The following EPHA8 variants were observed in gnomAD, a reference collection of about 807,000 sequenced individuals.
EPHA8 encodes EPH receptor A8.
In EPHA8, 58 loss-of-function variants were observed where a neutral mutation model predicts 103.6. That is an observed-to-expected ratio of 0.56 (90% CI 0.45 to 0.70). The LOEUF is 0.70. Among genes scored for constraint, EPHA8 ranks in the 30% least tolerant of loss-of-function variants. The pLI is 0.00. For missense variants in EPHA8, 1,304 were observed against 1,395.2 expected (o/e 0.93, Z 1.04); for synonymous variants, 559 against 572.5 (o/e 0.98, Z 0.34).
Position 22,597,982 on chromosome 1 carries a change from C to A in EPHA8, c.2116+121C>A. 6.9e-7 allele frequency: 1 copy of A among 1,450,306 alleles called. No individual in the cohort carries two copies. The highest frequency in any genetic ancestry group is 9.5e-7 in the Non-Finnish European group (1 of 1,051,234). The allele number at this position is 1,450,306 out of a possible 1,614,324, so 89.8% of individuals were successfully genotyped here. A position where few individuals can be genotyped will look rare whatever the true frequency, so the allele number is the denominator to read the frequency against. Reference sequence around the variant, plus strand: ...CTGACCCTGTCCTCTTGGTTCAGGTCCCTGAATGACTCGGGGTGCCCAGAG... The same window carrying A: ...CTGACCCTGTCCTCTTGGTTCAGGTACCTGAATGACTCGGGGTGCCCAGAG... On this transcript the variant is annotated intron_variant, in intron 11 of 16. Transcript: ENST00000166244. This position sits in a 1 kb window ranked among gnomAD's most constrained non-coding sequence, Gnocchi z 4.6.
intron 13 of EPHA8, among the ~76,000 whole-genome samples, chr1:22,599,724 G>GA (rs1641640085): frequency 1.1e-3 from 1 of 948 alleles, no homozygotes; most frequent in Non-Finnish European, 2.9e-3. Flanking sequence ...GGAAGGGAGG[G>GA]AGGGAAGGAA....
Position 22,576,239 on chromosome 1 carries a change from A to G in EPHA8, c.182A>G (p.Asp61Gly). ...CAGTGGGACTCCATCAACGAGGTGG[A>G]CGAGTCCTTCCAGCCCATCCACACG... ...AHGWDSINEV[D>G]ESFQPIHTYQ... The change falls in exon 3 of 17, where the codon GAC becomes GGC. Residue 61 changes from aspartate (D) to glycine (G), a missense_variant. Asp to Gly is a moderately conservative substitution (Grantham distance 94). Coordinates refer to ENST00000166244, the MANE Select transcript of EPHA8 (RefSeq NM_020526.5). The surrounding 1 kb of genome is among the most constrained non-coding windows in gnomAD (Gnocchi z 4.8). The G allele has an allele frequency of 6.2e-7, 1 of 1,610,966 alleles. No homozygotes were observed.
At chr1:22,573,790 G>T (rs962437051) in intron 2 of EPHA8, among the ~76,000 whole-genome samples, 6 of 152,118 alleles carry the variant, frequency 3.9e-5, no homozygotes, top group Admixed American at 2.0e-4. Flanking sequence ...CCTGTCTTCT[G>T]CAGACCTCCA....
At chr1:22,596,873 G>C (rs201426724) in intron 9 of EPHA8, among the ~76,000 whole-genome samples, 1 of 152,042 alleles carries the variant, frequency 6.6e-6, no homozygotes, top group East Asian at 1.9e-4. Flanking sequence ...GTCCAGGCTG[G>C]TCTCGAACTC....
chr1:22,600,666 G>A lies in EPHA8; in HGVS notation c.2394G>A (p.Gly798=), dbSNP rs1230968435. ...DPDAAYTTTG[G]KIPIRWTAPE... Reference sequence around the variant, plus strand: ...CTCTTGTGTGTCCGTCGCAGGGCGGGAAGATCCCCATCCGCTGGACGGCCC... The same window carrying A: ...CTCTTGTGTGTCCGTCGCAGGGCGGAAAGATCCCCATCCGCTGGACGGCCC... Residue 798 remains glycine (G), a synonymous_variant, in exon 14 of 17, where the codon GGG becomes GGA. Transcript: ENST00000166244. The A allele has an allele frequency of 2.5e-6, 4 of 1,613,304 alleles. 1 individual carries two copies. In the South Asian group the frequency reaches 4.4e-5, roughly 18 times the overall value.
chr1:22,586,780 TG>T (rs60727050), intron 4 of EPHA8, 145 bp downstream of exon 4: 164 of 923,596 alleles, frequency 1.8e-4, no homozygotes, highest in Non-Finnish European at 2.3e-4. Context: ...CAGTCTGAGG[TG>T]GGGGGGGTGA....
rs139427620 is a variant in EPHA8 at position 22,576,585 on chromosome 1, C to A, written c.528C>A (p.Leu176=). ...LNTEVRSVGP[L]SKRGFYLAFQ... is the part of the protein sequence containing the mutation. ...CGGAGGTGCGCAGTGTGGGTCCCCTCAGCAAGCGCGGCTTCTACCTGGCCT... is the reference window on the plus strand; with the variant it reads ...CGGAGGTGCGCAGTGTGGGTCCCCTAAGCAAGCGCGGCTTCTACCTGGCCT... Residue 176 remains leucine, a synonymous_variant, in exon 3 of 17, where the codon CTC becomes CTA. Coordinates refer to ENST00000166244, the MANE Select transcript of EPHA8 (RefSeq NM_020526.5). This position sits in a 1 kb window ranked among gnomAD's most constrained non-coding sequence, Gnocchi z 4.8. The A allele has an allele frequency of 2.4e-4, 384 of 1,614,124 alleles. No homozygotes were observed. In the Admixed American group the frequency reaches 2.4e-3, roughly 10 times the overall value.
intron 3 of EPHA8, among the ~76,000 whole-genome samples, chr1:22,583,229 A>G (rs1641095178): frequency 6.6e-6 from 1 of 152,224 alleles, no homozygotes; most frequent in South Asian, 2.1e-4. Flanking sequence ...GAGCCACTCC[A>G]TCTGTCTCAG....
At position 22,600,152 on chromosome 1, in the gene EPHA8, G is replaced by GGGA. The variant is rs751735722; in HGVS notation, c.2389-508_2389-506dup. On this transcript the variant is annotated intron_variant, in intron 13 of 16. Transcript: ENST00000166244. Reference sequence around the variant, plus strand: ...GAGAGAAGGAAGGAGGAGGGAGGGAGGGAAGGAGGGAGGCAGGAAGGAAGG... The same window carrying GGGA: ...GAGAGAAGGAAGGAGGAGGGAGGGAGGGAGGAAGGAGGGAGGCAGGAAGGAAGG... Among the ~76,000 whole-genome samples the GGGA allele has an allele frequency of 7.7e-4, 98 of 126,640 alleles. 1 individual carries two copies. The highest frequency in any genetic ancestry group is 1.4e-3 in the Non-Finnish European group (82 of 59,284). The allele number at this position is 126,640 out of a possible 152,430, so 83.1% of individuals were successfully genotyped here.
At position 22,567,206 on chromosome 1, in the gene EPHA8, G is replaced by A. The variant is rs1277797794; in HGVS notation, c.95-2083G>A. Among the ~76,000 whole-genome samples the A allele has an allele frequency of 6.6e-6, 1 of 152,148 alleles. No individual in the cohort carries two copies. Among genetic ancestry groups the A allele is most frequent in the Non-Finnish European group, 1.5e-5 (1 of 68,014 alleles). ...GCTGCATCCAGGCCAGGTCACAGAA[G>A]GGGCCCAGTCACCCCGAGACCTGTG... On this transcript the variant is annotated intron_variant, in intron 1 of 16. Transcript: ENST00000166244. The surrounding 1 kb of genome is among the most constrained non-coding windows in gnomAD (Gnocchi z 4.2).
At chr1:22,593,195 G>A (rs1641418505) in intron 5 of EPHA8, 131 bp from the exon 6 acceptor site, 1 of 1,361,460 alleles carries the variant, frequency 7.3e-7, no homozygotes, top group African/African-American at 1.5e-5. Flanking sequence ...GGCTGTCCTG[G>A]GGCTGGGGCA....
At chr1:22,575,518 A>G (rs1259295431) in intron 2 of EPHA8, among the ~76,000 whole-genome samples, 1 of 152,198 alleles carries the variant, frequency 6.6e-6, no homozygotes, top group Non-Finnish European at 1.5e-5. Context: ...TGATTTGCAC[A>G]TAGCTTCCCC....
chr1:22,570,975 C>CCCT (rs1557551850), intron 2 of EPHA8, among the ~76,000 whole-genome samples: 1 of 152,224 alleles, frequency 6.6e-6, no homozygotes, highest in Non-Finnish European at 1.5e-5. Flanking sequence ...GGGTCCTGGT[C>CCCT]CCTCCCTCAC....
chr1:22,591,007 C>T (rs537551866), intron 5 of EPHA8, among the ~76,000 whole-genome samples: 1 of 152,028 alleles, frequency 6.6e-6, no homozygotes, highest in East Asian at 2.0e-4. Flanking sequence ...TTCCACCCCC[C>T]ACGAGTCCAT....
chr1:22,566,568 G>A (rs1330371526), intron 1 of EPHA8, among the ~76,000 whole-genome samples: 2 of 152,196 alleles, frequency 1.3e-5, no homozygotes, highest in Admixed American at 6.5e-5. Flanking sequence ...TGAGGCAGAG[G>A]GGTTAAGTGC....
chr1:22,582,343 C>A (rs527535293), intron 3 of EPHA8, among the ~76,000 whole-genome samples: 1 of 152,274 alleles, frequency 6.6e-6, no homozygotes, highest in Non-Finnish European at 1.5e-5. Flanking sequence ...AGCCTGAGAC[C>A]CACAGCAGGG....
chr1:22,596,616 CCTT>C (rs772905058), intron 9 of EPHA8, among the ~76,000 whole-genome samples: 50 of 152,176 alleles, frequency 3.3e-4, no homozygotes, highest in Non-Finnish European at 6.3e-4. Context: ...TCAGACTCCT[CCTT>C]AACTACTTTT....
At chr1:22,595,626 C>G (rs1394174681) in intron 8 of EPHA8, among the ~76,000 whole-genome samples, 1 of 152,186 alleles carries the variant, frequency 6.6e-6, no homozygotes, top group Non-Finnish European at 1.5e-5. Context: ...GTTACTTTGT[C>G]CTCTCCCACT....
In EPHA8 at chr1:22,598,264, C is replaced by G. The variant is rs780543094; in HGVS notation, c.2178+52C>G. The G allele has an allele frequency of 1.9e-6, 3 of 1,575,246 alleles. No homozygotes were observed. The highest frequency in any genetic ancestry group is 2.2e-5 in the South Asian group (2 of 89,568). On this transcript the variant is annotated intron_variant, in intron 12 of 16. Coordinates refer to ENST00000166244, the MANE Select transcript of EPHA8 (RefSeq NM_020526.5). This position sits in a 1 kb window ranked among gnomAD's most constrained non-coding sequence, Gnocchi z 5.1. ...ATGGGCTTGGGGAGGGAGGTCCAGT[C>G]TGGGTGCTGGGAGATAGTGCAAAGC...
Sources: gnomAD v4.1 joint callset for allele counts (sites outside exome capture counted in the v4.1 genomes callset) on GRCh38, gnomAD v4.1.1 for gene constraint, Gnocchi (gnomAD v3.1) non-coding constraint, MANE v1.5 for transcripts, NCBI Gene and HGNC (gene_info 2026-07-23, HGNC 2026-07-21) for gene names.